Variants in LYZ observed in about 807,000 individuals in gnomAD.
LYZ encodes lysozyme C.
In LYZ, 18 loss-of-function variants were observed where a neutral mutation model predicts 15.8. The observed-to-expected ratio is 1.14, with a 90% CI of 0.79 to 1.69. LYZ has a LOEUF of 1.69. Among genes scored for constraint, LYZ ranks in the 40% most tolerant of loss-of-function variants. The pLI, the probability that LYZ is intolerant of heterozygous loss-of-function variation, is 0.00. For synonymous variants in LYZ, 60 were observed against 61.7 expected (o/e 0.97, Z 0.13); for missense variants, 139 against 182.8 (o/e 0.76, Z 1.38).
At chr12:69,352,084 C>A in intron 2 of LYZ, 136 bp from the exon 3 acceptor site, 1 of 617,328 alleles carries the variant, frequency 1.6e-6, no homozygotes, top group East Asian at 2.9e-5. Flanking sequence ...TTTTCCCCAA[C>A]AATTACACAT....
chr12:69,349,994 T>C (rs540508585), intron 1 of LYZ, 114 bp from the exon 2 acceptor site: 1 of 857,348 alleles, frequency 1.2e-6, no homozygotes, highest in East Asian at 2.7e-5. Flanking sequence ...TAAGTAAATC[T>C]TTATACTTAT....
At chr12:69,350,352 G>T (rs1023336949) in intron 2 of LYZ, 80 bp downstream of exon 2, 6 of 1,432,434 alleles carry the variant, frequency 4.2e-6, no homozygotes, top group South Asian at 2.3e-5. Context: ...GCCTTGAAAG[G>T]TTCATGAGGG....
intron 2 of LYZ, among the ~76,000 whole-genome samples, chr12:69,351,680 G>C (rs1023603080): frequency 6.6e-6 from 1 of 151,740 alleles, no homozygotes; most frequent in African/African-American, 2.4e-5. Context: ...AATACAAATC[G>C]GTTTTTAATG....
At chr12:69,349,278 C>T (rs528702784) in intron 1 of LYZ, among the ~76,000 whole-genome samples, 2 of 152,302 alleles carry the variant, frequency 1.3e-5, no homozygotes, top group African/African-American at 4.8e-5. Context: ...GGTAGGATTA[C>T]AGGTGTGAAC....
In LYZ at chr12:69,353,433, A is replaced by T; in HGVS notation, c.*214A>T. The T allele has an allele frequency of 1.6e-6, 1 of 613,630 alleles. No individual in the cohort carries two copies. Among genetic ancestry groups the T allele is most frequent in the African/African-American group, 1.8e-5 (1 of 54,128 alleles). 38.0% of individuals were successfully genotyped at this position (613,630 alleles called of 1,614,324 possible). ...CAACATTTTTCAGTTTGCAAATAGA[A>T]CTAATACTGGTGAAAATTTACCTAA... On this transcript the variant is annotated 3_prime_UTR_variant, in exon 4 of 4. Transcript: ENST00000261267.
Position 69,353,184 on chromosome 12 carries a change from G to C in LYZ, c.412G>C (p.Asp138His). 6.2e-7 allele frequency: 1 copy of C among 1,614,122 alleles called. No individual in the cohort carries two copies. The highest frequency in any genetic ancestry group is 8.5e-7 in the Non-Finnish European group (1 of 1,179,984). Residue 138 changes from aspartate to histidine, a missense_variant, in exon 4 of 4, where the codon GAT becomes CAT. Coordinates refer to ENST00000261267, the MANE Select transcript of LYZ (RefSeq NM_000239.3). ...ATGGAGAAATCGTTGTCAAAACAGA[G>C]ATGTCCGTCAGTATGTTCAAGGTTG... The part of the protein sequence containing the change: ...VAWRNRCQNR[D>H]VRQYVQGCGV
At chr12:69,350,576 G>T in intron 2 of LYZ, 4 of 327,006 alleles carry the variant, frequency 1.2e-5, no homozygotes, top group East Asian at 7.1e-5. Context: ...GAGGTTTTGG[G>T]ATAATTTAGT....
At position 69,348,465 on chromosome 12, in the gene LYZ, G is replaced by A. The variant is rs2120822597; in HGVS notation, c.57G>A (p.Lys19=). ...TCCTTTCTGTTACGGTCCAGGGCAA[G>A]GTCTTTGAAAGGTGTGAGTTGGCCA... ...LVLLSVTVQG[K]VFERCELART... The change falls in exon 1 of 4, where the codon AAG becomes AAA. Residue 19 remains lysine, a synonymous_variant. Transcript: ENST00000261267. 1 of 1,614,222 alleles carries A rather than the reference G, an allele frequency of 6.2e-7. No individual in the cohort carries two copies. The highest frequency in any genetic ancestry group is 2.2e-5 in the East Asian group (1 of 44,882).
intron 2 of LYZ, among the ~76,000 whole-genome samples, chr12:69,350,737 C>CTTTTTTTTTTTTTTTTTTTTTTTTTT (rs60163961): frequency 3.8e-5 from 1 of 26,016 alleles, no homozygotes; most frequent in African/African-American, 1.0e-4. Context: ...TCTTCTATGC[C>CTTTTTTTTTTTTTTTTTTTTTTTTTT]TTTTTTTTTT....
At chr12:69,350,352 G>A (rs1023336949) in intron 2 of LYZ, 80 bp downstream of exon 2, 17 of 1,432,316 alleles carry the variant, frequency 1.2e-5, no homozygotes, top group Middle Eastern at 1.8e-4. Flanking sequence ...GCCTTGAAAG[G>A]TTCATGAGGG....
At chr12:69,351,966 A>G (rs1398778060) in intron 2 of LYZ, among the ~76,000 whole-genome samples, 1 of 152,168 alleles carries the variant, frequency 6.6e-6, no homozygotes, top group Non-Finnish European at 1.5e-5. Context: ...TGTCTAGTGC[A>G]AAGAAGACCT....
intron 3 of LYZ, among the ~76,000 whole-genome samples, chr12:69,352,640 G>A (rs757339862): frequency 3.9e-5 from 6 of 152,176 alleles, no homozygotes; most frequent in South Asian, 4.1e-4. Flanking sequence ...TTGGGAGACC[G>A]AGGCAGATGG....
intron 2 of LYZ, chr12:69,350,520 C>T (rs376957407): frequency 1.4e-4 from 65 of 460,968 alleles, no homozygotes; most frequent in East Asian, 1.0e-3. Context: ...AATGGCCTTA[C>T]TGATGCTTTG....
chr12:69,350,277 G>A lies in LYZ; in HGVS notation c.301+5G>A. On this transcript the variant is annotated splice_donor_5th_base_variant and intron_variant, in intron 2 of 3. Coordinates refer to ENST00000261267, the MANE Select transcript of LYZ (RefSeq NM_000239.3). ...CCTGTCATTTATCCTGCAGTGGTAA[G>A]ACAAGCTAATATTTGACCAATCTGG... The A allele has an allele frequency of 6.2e-7, 1 of 1,614,028 alleles. No individual in the cohort carries two copies. The highest frequency in any genetic ancestry group is 8.5e-7 in the Non-Finnish European group (1 of 1,179,928).
At chr12:69,352,376 C>A in intron 3 of LYZ, 78 bp downstream of exon 3, 1 of 1,151,970 alleles carries the variant, frequency 8.7e-7, no homozygotes, top group Non-Finnish European at 1.3e-6. Context: ...TTTTAAAGAC[C>A]AAAGTATGCT....
intron 3 of LYZ, among the ~76,000 whole-genome samples, 167 bp from the exon 4 acceptor site, chr12:69,352,986 G>A (rs1874876271): frequency 6.6e-6 from 1 of 152,228 alleles, no homozygotes; most frequent in Non-Finnish European, 1.5e-5. Context: ...GGGTAGGAGT[G>A]AAGTATTTTG....
chr12:69,353,632 G>T lies in LYZ; in HGVS notation c.*413G>T, dbSNP rs193040437. On this transcript the variant is annotated 3_prime_UTR_variant, in exon 4 of 4. Coordinates refer to ENST00000261267, the MANE Select transcript of LYZ (RefSeq NM_000239.3). ...GCCTCCCGAGTAGCTGGGATTACGG[G>T]CGCCCGCCACCACGCCCGGCTAATT... 1.3e-3 allele frequency: 301 copies of T among 225,344 alleles called. No individual in the cohort carries two copies. The highest frequency in any genetic ancestry group is 2.2e-3 in the Non-Finnish European group (252 of 112,902). 14.0% of individuals were successfully genotyped at this position (225,344 alleles called of 1,614,324 possible). A position where few individuals can be genotyped will look rare whatever the true frequency, so the allele number is the denominator to read the frequency against.
At chr12:69,351,587 G>C (rs1432185836) in intron 2 of LYZ, among the ~76,000 whole-genome samples, 1 of 151,994 alleles carries the variant, frequency 6.6e-6, no homozygotes, top group Non-Finnish European at 1.5e-5. Flanking sequence ...TAAATACTGT[G>C]TGCTTTTGCA....
chr12:69,353,457 A>G lies in LYZ; in HGVS notation c.*238A>G, dbSNP rs1028420556. On this transcript the variant is annotated 3_prime_UTR_variant, in exon 4 of 4. Transcript: ENST00000261267. ...AACTAATACTGGTGAAAATTTACCT[A>G]AAACCTTGGTTATCAAATACATCTC... The G allele has an allele frequency of 1.7e-6, 1 of 579,750 alleles. No homozygotes were observed. The highest frequency in any genetic ancestry group is 3.0e-5 in the Admixed American group (1 of 33,824). 35.9% of individuals were successfully genotyped at this position (579,750 alleles called of 1,614,324 possible). A position where few individuals can be genotyped will look rare whatever the true frequency, so the allele number is the denominator to read the frequency against.
Sources: allele counts gnomAD v4.1 joint callset (sites outside exome capture counted in the v4.1 genomes callset), GRCh38; gene constraint gnomAD v4.1.1; transcripts MANE v1.5; gene names NCBI Gene and HGNC (gene_info 2026-07-23, HGNC 2026-07-21).